The following MAP3K6 variants were observed in gnomAD, a reference collection of about 807,000 sequenced individuals.
The protein encoded by MAP3K6 is mitogen-activated protein kinase kinase kinase 6.
MAP3K6 carries 105 observed loss-of-function variants against 147.1 expected under a neutral mutation model. That is an observed-to-expected ratio of 0.71 (90% CI 0.61 to 0.84). MAP3K6 has a LOEUF of 0.84. MAP3K6 is among the 40% of genes least tolerant of loss of function. MAP3K6 has a pLI of 0.00. For synonymous variants in MAP3K6, 695 were observed against 732.4 expected (o/e 0.95, Z 0.82); for missense variants, 1,569 against 1,715.0 (o/e 0.91, Z 1.50).
chr1:27,355,800 G>T, intron 27 of MAP3K6, 55 bp from the exon 28 acceptor site: 1 of 1,529,346 alleles, frequency 6.5e-7, no homozygotes. Context: ...ACAGAAAGAT[G>T]TGTCGAGACC....
At position 27,357,463 on chromosome 1, in the gene MAP3K6, C is replaced by G; in HGVS notation, c.3195G>C (p.Arg1065=). ...LAQELRALQG[R]LRAQGLGPAL... is the part of the protein sequence containing the mutation. ...CAGGCCCAAGGCCCTGGGCCCTCAG[C>G]CGTCCTTGCAGCGCCCGCAGCTCCT... Residue 1065 remains arginine (R), a synonymous_variant, in exon 23 of 29, where the codon CGG becomes CGC. Coordinates refer to ENST00000357582, the MANE Select transcript of MAP3K6 (RefSeq NM_004672.5). 6.2e-7 allele frequency: 1 copy of G among 1,613,566 alleles called. No individual in the cohort carries two copies. Among genetic ancestry groups the G allele is most frequent in the African/African-American group, 1.3e-5 (1 of 75,030 alleles).
chr1:27,357,010 C>T lies in MAP3K6; in HGVS notation c.3363G>A (p.Pro1121=), dbSNP rs1302092653. The T allele has an allele frequency of 1.9e-6, 3 of 1,613,484 alleles. No individual in the cohort carries two copies. The highest frequency in any genetic ancestry group is 1.3e-5 in the African/African-American group (1 of 74,936). The change falls in exon 24 of 29, where the codon CCG becomes CCA. Residue 1121 remains proline, a splice_region_variant and synonymous_variant. Coordinates refer to ENST00000357582, the MANE Select transcript of MAP3K6 (RefSeq NM_004672.5). ...AGGCCCGTGGCATTCCCCTCCTACC[C>T]GGTCCTAGCACACCCAGGGCTGCCC... The part of the protein sequence containing the change: ...AVRAALGVLG[P]EVEKEAVSPR...
chr1:27,360,892 T>TC lies in MAP3K6; in HGVS notation c.1920+28dup, dbSNP rs1553142133. 7.5e-6 allele frequency: 12 copies of TC among 1,607,914 alleles called. No homozygotes were observed. The highest frequency in any genetic ancestry group is 1.0e-5 in the Non-Finnish European group (12 of 1,176,752). On this transcript the variant is annotated intron_variant, in intron 14 of 28. Transcript: ENST00000357582. The surrounding 1 kb of genome is among the most constrained non-coding windows in gnomAD (Gnocchi z 4.5). ...CAGCAGGGCCCGCGGCCCCTCGCCCTCCGCGAGCTCCCAGTCCCGCGTCCT... is the reference window on the plus strand; with the variant it reads ...CAGCAGGGCCCGCGGCCCCTCGCCCTCCCGCGAGCTCCCAGTCCCGCGTCCT...
chr1:27,355,827 T>C, intron 27 of MAP3K6, 82 bp from the exon 28 acceptor site: 1 of 1,369,316 alleles, frequency 7.3e-7, no homozygotes, highest in East Asian at 2.3e-5. Context: ...CTAGCTCTGC[T>C]CTGTTGCCAA....
Position 27,359,291 on chromosome 1 carries a change from C to T in MAP3K6, c.2425+126G>A. 2.2e-6 allele frequency: 3 copies of T among 1,381,202 alleles called. No homozygotes were observed. In the South Asian group the frequency reaches 3.9e-5, roughly 18 times the overall value. The allele number at this position is 1,381,202 out of a possible 1,614,324, so 85.6% of individuals were successfully genotyped here. On this transcript the variant is annotated intron_variant, in intron 18 of 28. Coordinates refer to ENST00000357582, the MANE Select transcript of MAP3K6 (RefSeq NM_004672.5). The surrounding 1 kb of genome is among the most constrained non-coding windows in gnomAD (Gnocchi z 4.4). ...ACCTCAGCCCTGGCCCAATCACTCACCCTGGGTTTCATTCCCCATTAGGAC... is the reference window on the plus strand; with the variant it reads ...ACCTCAGCCCTGGCCCAATCACTCATCCTGGGTTTCATTCCCCATTAGGAC...
At position 27,361,037 on chromosome 1, in the gene MAP3K6, G is replaced by A. The variant is rs150016717; in HGVS notation, c.1833-29C>T. On this transcript the variant is annotated intron_variant, in intron 13 of 28. Transcript: ENST00000357582. Reference sequence around the variant, plus strand: ...AAGGTGGGGGAGGTCAGACCCGCGGGAGGGGCATCTTGGTCCCCACCTAAG... The same window carrying A: ...AAGGTGGGGGAGGTCAGACCCGCGGAAGGGGCATCTTGGTCCCCACCTAAG... 1,513 of 1,546,822 alleles carry A rather than the reference G, an allele frequency of 9.8e-4. 29 individuals carry two copies. The East Asian group carries it at 0.029, about 30-fold the overall frequency.
intron 9 of MAP3K6, 72 bp downstream of exon 9, chr1:27,362,019 A>G: frequency 6.5e-7 from 1 of 1,548,764 alleles, no homozygotes; most frequent in East Asian, 2.3e-5. Context: ...GGTTCAGTCT[A>G]GCATGCCAAT....
intron 23 of MAP3K6, 99 bp from the exon 24 acceptor site, chr1:27,357,213 G>T (rs957819400): frequency 6.2e-5 from 80 of 1,290,230 alleles, no homozygotes; most frequent in Middle Eastern, 3.8e-4. Context: ...GAGGCGAGTG[G>T]GGTGGGCGGG....
intron 10 of MAP3K6, 35 bp from the exon 11 acceptor site, chr1:27,361,662 G>T: frequency 6.2e-7 from 1 of 1,614,044 alleles, no homozygotes; most frequent in Non-Finnish European, 8.5e-7. Context: ...CAGTCAGAAG[G>T]GGCTTACCCC....
Position 27,357,735 on chromosome 1 carries a change from C to G in MAP3K6, c.3057G>C (p.Leu1019=). 1.9e-6 allele frequency: 3 copies of G among 1,611,826 alleles called. No individual in the cohort carries two copies. The highest frequency in any genetic ancestry group is 2.5e-6 in the Non-Finnish European group (3 of 1,179,880). ...EQELPALAEN[L]HQEQKQEQGA... Reference sequence around the variant, plus strand: ...CCTGCTCTTGCTTCTGCTCCTGGTGCAGATTCTCCGCCAGCGCTGGCAGCT... The same window carrying G: ...CCTGCTCTTGCTTCTGCTCCTGGTGGAGATTCTCCGCCAGCGCTGGCAGCT... The change falls in exon 22 of 29, where the codon CTG becomes CTC. Residue 1019 remains leucine, a synonymous_variant. Transcript: ENST00000357582.
At position 27,357,705 on chromosome 1, in the gene MAP3K6, G is replaced by A. The variant is rs1319905573; in HGVS notation, c.3081+6C>T. ...CCACCAGGGGGCGCTAGAGTGGGCC[G>A]CCCACCTGCTCTTGCTTCTGCTCCT... On this transcript the variant is annotated splice_donor_region_variant and intron_variant, in intron 22 of 28. Transcript: ENST00000357582. The A allele has an allele frequency of 6.2e-7, 1 of 1,609,424 alleles. No individual in the cohort carries two copies. The highest frequency in any genetic ancestry group is 1.1e-5 in the South Asian group (1 of 90,984).
chr1:27,362,039 T>A lies in MAP3K6; in HGVS notation c.1415+52A>T, dbSNP rs530423556. The A allele has an allele frequency of 2.5e-6, 4 of 1,570,440 alleles. No homozygotes were observed. The African/African-American group carries it at 5.4e-5, about 21-fold the overall frequency. On this transcript the variant is annotated intron_variant, in intron 9 of 28. Coordinates refer to ENST00000357582, the MANE Select transcript of MAP3K6 (RefSeq NM_004672.5). Reference sequence around the variant, plus strand: ...AGTCTAGCATGCCAATGGACATAGGTGCAGGAGCTGACAGCCCAGGTCAGG... The same window carrying A: ...AGTCTAGCATGCCAATGGACATAGGAGCAGGAGCTGACAGCCCAGGTCAGG...
In MAP3K6 at chr1:27,366,226, C is replaced by A. The variant is rs2015975418; in HGVS notation, c.340+32G>T. ...TCCCCTCCCAGGACCCTGAGTCCCG[C>A]CCGGATCCGGCCCCGCCCCCAGCGC... On this transcript the variant is annotated intron_variant, in intron 1 of 28. Transcript: ENST00000357582. This position sits in a 1 kb window ranked among gnomAD's most constrained non-coding sequence, Gnocchi z 5.5. 3.1e-6 allele frequency: 4 copies of A among 1,289,818 alleles called. No homozygotes were observed. The East Asian group carries it at 1.2e-4, about 40-fold the overall frequency. 79.9% of individuals were successfully genotyped at this position (1,289,818 alleles called of 1,614,324 possible).
chr1:27,366,681 G>T lies in MAP3K6; in HGVS notation c.-84C>A. The T allele has an allele frequency of 1.0e-6, 1 of 984,560 alleles. No homozygotes were observed. The highest frequency in any genetic ancestry group is 1.2e-6 in the Non-Finnish European group (1 of 823,754). The allele number at this position is 984,560 out of a possible 1,614,324, so 61.0% of individuals were successfully genotyped here. A position where few individuals can be genotyped will look rare whatever the true frequency, so the allele number is the denominator to read the frequency against. ...TGGGCCGGCAGATCAGGAATCTTGG[G>T]ATCTGGAATCCGTTCGGAATCGGAG... is the stretch of plus-strand genomic sequence containing the variant. On this transcript the variant is annotated 5_prime_UTR_variant, in exon 1 of 29. Coordinates refer to ENST00000357582, the MANE Select transcript of MAP3K6 (RefSeq NM_004672.5). The surrounding 1 kb of genome is among the most constrained non-coding windows in gnomAD (Gnocchi z 5.5).
rs2015986956 is a variant in MAP3K6 at position 27,366,392 on chromosome 1, G to A, written c.206C>T (p.Pro69Leu). 1.6e-6 allele frequency: 2 copies of A among 1,249,728 alleles called. No individual in the cohort carries two copies. The highest frequency in any genetic ancestry group is 2.0e-6 in the Non-Finnish European group (2 of 997,390). 77.4% of individuals were successfully genotyped at this position (1,249,728 alleles called of 1,614,324 possible). A position where few individuals can be genotyped will look rare whatever the true frequency, so the allele number is the denominator to read the frequency against. ...CTCGCGCAGGCAGCGCAGGGGCAGC[G>A]GCTCCGCCTCGGTTCCCTCCCGAGG... Reference protein sequence around the residue: ...LEPREGTEAEPLPLRCLREAC... With the variant: ...LEPREGTEAELLPLRCLREAC... Residue 69 changes from proline to leucine, a missense_variant, in exon 1 of 29, where the codon CCG (proline) becomes CTG (leucine). By Grantham distance (98) the Pro-to-Leu change is moderately conservative. Transcript: ENST00000357582. This position sits in a 1 kb window ranked among gnomAD's most constrained non-coding sequence, Gnocchi z 5.5.
At chr1:27,356,310 G>C (rs2015519143) in intron 26 of MAP3K6, 78 bp downstream of exon 26, 2 of 1,370,578 alleles carry the variant, frequency 1.5e-6, no homozygotes, top group African/African-American at 1.4e-5. Context: ...CCCAAGTCAG[G>C]TGATGAGCCC....
rs1343988726 is a variant in MAP3K6 at position 27,357,000 on chromosome 1, C to G, written c.3364+9G>C. On this transcript the variant is annotated intron_variant, in intron 24 of 28. Transcript: ENST00000357582. ...CGCTGGCAGGAGGCCCGTGGCATTC[C>G]CCTCCTACCCGGTCCTAGCACACCC... The G allele has an allele frequency of 4.3e-6, 7 of 1,612,134 alleles. No homozygotes were observed. Among genetic ancestry groups the G allele is most frequent in the Non-Finnish European group, 5.9e-6 (7 of 1,178,654 alleles).
Position 27,357,842 on chromosome 1 carries a change from A to ACGCAGGCTCCTCGGC in MAP3K6, c.2935_2949dup (p.Ala979_Ala983dup). On this transcript the variant is annotated inframe_insertion, in exon 22 of 29. Coordinates refer to ENST00000357582, the MANE Select transcript of MAP3K6 (RefSeq NM_004672.5). ...CTCAGCCCCGAACTCTCCTCCGGAG[A>ACGCAGGCTCCTCGGC]CGCAGGCTCCTCGGCCGCAGGCTCC... 6 of 1,598,810 alleles carry ACGCAGGCTCCTCGGC rather than the reference A, an allele frequency of 3.8e-6. No homozygotes were observed. The highest frequency in any genetic ancestry group is 5.1e-6 in the Non-Finnish European group (6 of 1,175,868).
rs903939788 is a variant in MAP3K6 at position 27,366,878 on chromosome 1, G to T, written c.-281C>A. ...TGATCGGCAGCTCAGAGCCACTTGG[G>T]GGATCCTGGGAATCGGCTCGGAGGT... On this transcript the variant is annotated 5_prime_UTR_variant, in exon 1 of 29. Coordinates refer to ENST00000357582, the MANE Select transcript of MAP3K6 (RefSeq NM_004672.5). The surrounding 1 kb of genome is among the most constrained non-coding windows in gnomAD (Gnocchi z 5.5). The T allele has an allele frequency of 6.0e-4, 93 of 156,040 alleles. No individual in the cohort carries two copies. Among genetic ancestry groups the T allele is most frequent in the African/African-American group, 2.2e-3 (91 of 41,650 alleles). The allele number at this position is 156,040 out of a possible 1,614,324, so 9.7% of individuals were successfully genotyped here.
Sources: gnomAD v4.1 joint callset for allele counts on GRCh38, gnomAD v4.1.1 for gene constraint, Gnocchi (gnomAD v3.1) non-coding constraint, MANE v1.5 for transcripts, NCBI Gene and HGNC (gene_info 2026-07-23, HGNC 2026-07-21) for gene names.